Variants in CLECL1 observed in about 807,000 individuals in gnomAD.
The protein encoded by CLECL1 is C-type lectin like 1, also known as C-type lectin-like domain family 1.
chr12:9,703,087 G>C, the CLECL1 span, among the ~76,000 whole-genome samples: 1 of 152,200 alleles, frequency 6.6e-6, no homozygotes, highest in Non-Finnish European at 1.5e-5. Flanking sequence ...ATTTTTAAGA[G>C]ACAGAATTTT....
chr12:9,730,273 G>A (rs1591720390), intron 1 of CLECL1, among the ~76,000 whole-genome samples: 1 of 152,238 alleles, frequency 6.6e-6, no homozygotes, highest in South Asian at 2.1e-4. Context: ...TGCATTTGAA[G>A]TACTCAAAAG....
upstream of CLECL1, chr12:9,733,252 A>C: frequency 6.2e-7 from 1 of 1,607,112 alleles, no homozygotes; most frequent in Non-Finnish European, 8.5e-7. Context: ...ACATGGAAGA[A>C]ATTACTAACC....
At chr12:9,733,210 T>C, upstream of CLECL1, 1 of 1,613,650 alleles carries the variant, frequency 6.2e-7, no homozygotes, top group Non-Finnish European at 8.5e-7. Context: ...GTCTTACTAA[T>C]CAAGGTAGCA....
chr12:9,705,702 G>A, the CLECL1 span, among the ~76,000 whole-genome samples: 1 of 152,148 alleles, frequency 6.6e-6, no homozygotes, highest in African/African-American at 2.4e-5. Context: ...AAGATCAGAT[G>A]GTTGTAGGTG....
At chr12:9,712,385 A>G (rs1866206118), downstream of CLECL1, among the ~76,000 whole-genome samples, 1 of 152,236 alleles carries the variant, frequency 6.6e-6, no homozygotes, top group Non-Finnish European at 1.5e-5. Context: ...CTATATGATG[A>G]GGCTCCCATG....
chr12:9,710,126 T>C, the CLECL1 span, among the ~76,000 whole-genome samples: 1 of 152,260 alleles, frequency 6.6e-6, no homozygotes, highest in African/African-American at 2.4e-5. Context: ...ATGTTATTGT[T>C]AGTATATTTT....
chr12:9,722,357 C>A (rs1866323498), downstream of CLECL1: 1 of 334,908 alleles, frequency 3.0e-6, no homozygotes. Context: ...GTGCTGAGAT[C>A]ATATACTCAA....
downstream of CLECL1, among the ~76,000 whole-genome samples, chr12:9,720,530 C>T (rs1276327894): frequency 2.0e-5 from 3 of 151,950 alleles, no homozygotes; most frequent in East Asian, 1.9e-4. Context: ...TTAGTAGAGA[C>T]GGGGTTTCTC....
downstream of CLECL1, among the ~76,000 whole-genome samples, chr12:9,721,111 T>G (rs1215766233): frequency 6.6e-6 from 1 of 152,162 alleles, no homozygotes; most frequent in Admixed American, 6.5e-5. Flanking sequence ...TTACTTCTTT[T>G]TATGCCTCTT....
the CLECL1 span, among the ~76,000 whole-genome samples, chr12:9,703,401 T>C: frequency 1.3e-5 from 2 of 151,732 alleles, no homozygotes; most frequent in African/African-American, 2.4e-5. Context: ...TTTATTTATT[T>C]ATTTATTTAT....
At chr12:9,708,224 A>G in the CLECL1 span, among the ~76,000 whole-genome samples, 6 of 152,290 alleles carry the variant, frequency 3.9e-5, no homozygotes, top group East Asian at 1.2e-3. Context: ...AAGGATTAGG[A>G]GGGCCCACTT....
At chr12:9,725,693 A>C (rs1866371537) in intron 3 of CLECL1, among the ~76,000 whole-genome samples, 1 of 152,128 alleles carries the variant, frequency 6.6e-6, no homozygotes, top group African/African-American at 2.4e-5. Flanking sequence ...TTTAGGAGAA[A>C]CAACACTGTT....
At chr12:9,712,223 C>T (rs1029324503), downstream of CLECL1, among the ~76,000 whole-genome samples, 6 of 152,152 alleles carry the variant, frequency 3.9e-5, no homozygotes, top group South Asian at 4.1e-4. Context: ...TGTCCTTGTA[C>T]TTGTCTCCTC....
At chr12:9,729,036 A>T (rs1866414133) in intron 2 of CLECL1, among the ~76,000 whole-genome samples, 1 of 152,054 alleles carries the variant, frequency 6.6e-6, no homozygotes, top group African/African-American at 2.4e-5. Context: ...AGATATTTGT[A>T]AGGAACTTTT....
intron 3 of CLECL1, among the ~76,000 whole-genome samples, chr12:9,725,153 A>G (rs752061133): frequency 6.6e-6 from 1 of 152,156 alleles, no homozygotes; most frequent in Admixed American, 6.5e-5. Flanking sequence ...GATAATCACT[A>G]TAGCTAATGT....
At chr12:9,719,829 C>T (rs71447600), downstream of CLECL1, among the ~76,000 whole-genome samples, 38,295 of 152,126 alleles carry the variant, frequency 0.25, 6,850 homozygotes, top group African/African-American at 0.51. Context: ...CCTGTAATGA[C>T]AGCTGGTGTT....
chr12:9,727,032 A>T (rs1591719014), intron 3 of CLECL1, among the ~76,000 whole-genome samples: 1 of 151,884 alleles, frequency 6.6e-6, no homozygotes, highest in East Asian at 1.9e-4. Flanking sequence ...TGTTATAAAA[A>T]GATATATAAT....
the CLECL1 span, among the ~76,000 whole-genome samples, chr12:9,705,789 T>C: frequency 1.3e-5 from 2 of 152,226 alleles, no homozygotes; most frequent in African/African-American, 4.8e-5. Flanking sequence ...CATGCTGTTT[T>C]GGTTACTGTA....
chr12:9,731,806 A>T (rs1866450673), intron 1 of CLECL1, among the ~76,000 whole-genome samples: 1 of 152,250 alleles, frequency 6.6e-6, no homozygotes, highest in South Asian at 2.1e-4. Flanking sequence ...TAAAAGTTCA[A>T]ACCATAGACA....
Sources: allele counts gnomAD v4.1 joint callset (sites outside exome capture counted in the v4.1 genomes callset), GRCh38; gene constraint gnomAD v4.1.1; transcripts MANE v1.5; gene names NCBI Gene and HGNC (gene_info 2026-07-23, HGNC 2026-07-21).